The following ADAM22 variants were observed in gnomAD, a reference collection of about 807,000 sequenced individuals.
ADAM22 encodes the protein disintegrin and metalloproteinase domain-containing protein 22.
In ADAM22, 65 loss-of-function variants were observed where a neutral mutation model predicts 144.6. The ratio of observed to expected loss-of-function variants is 0.45; its 90% confidence interval spans 0.37 to 0.55. The LOEUF is 0.55. Among genes scored for constraint, ADAM22 ranks in the 20% least tolerant of loss-of-function variants. The pLI is 0.00. For synonymous variants in ADAM22, 391 were observed against 412.6 expected (o/e 0.95, Z 0.63); for missense variants, 974 against 1,184.9 (o/e 0.82, Z 2.61).
chr7:88,031,402 A>T (rs1800234387), intron 3 of ADAM22, among the ~76,000 whole-genome samples: 1 of 152,204 alleles, frequency 6.6e-6, no homozygotes, highest in Admixed American at 6.5e-5. Context: ...AGTGATATGG[A>T]CAATGAAGTT....
At chr7:88,089,455 A>C (rs1389159722) in intron 4 of ADAM22, among the ~76,000 whole-genome samples, 1 of 152,142 alleles carries the variant, frequency 6.6e-6, no homozygotes. Context: ...AGCAACAGCC[A>C]CTGTTACCAA....
In ADAM22 at chr7:88,171,564, A is replaced by G. The variant is rs1844324181; in HGVS notation, c.2300+3A>G. ...AAAAGAAACTATCGAGAACAGAGGT[A>G]TGTAATACAAATAATGTGAACATAA... On this transcript the variant is annotated splice_donor_region_variant and intron_variant, in intron 26 of 31. Coordinates refer to ENST00000413139, the MANE Select transcript of ADAM22 (RefSeq NM_001324418.2). The G allele has an allele frequency of 3.2e-6, 5 of 1,583,044 alleles. No individual in the cohort carries two copies. Among genetic ancestry groups the G allele is most frequent in the Non-Finnish European group, 4.3e-6 (5 of 1,168,958 alleles).
At chr7:88,033,460 G>A (rs891807350) in intron 3 of ADAM22, among the ~76,000 whole-genome samples, 1 of 152,230 alleles carries the variant, frequency 6.6e-6, no homozygotes, top group African/African-American at 2.4e-5. Flanking sequence ...TCACCCATGT[G>A]GCCACCATCA....
At position 88,114,635 on chromosome 7, in the gene ADAM22, TGA is replaced by T. The variant is rs1442788146; in HGVS notation, c.526_527del (p.Asp176HisfsTer18). The T allele has an allele frequency of 5.6e-6, 9 of 1,613,768 alleles. No individual in the cohort carries two copies. The highest frequency in any genetic ancestry group is 7.6e-6 in the Non-Finnish European group (9 of 1,179,856). On this transcript the variant is annotated frameshift_variant, in exon 6 of 32. Coordinates refer to ENST00000413139, the MANE Select transcript of ADAM22 (RefSeq NM_001324418.2). LOFTEE classifies it high-confidence loss of function. The stretch of plus-strand genomic sequence containing the variant: ...CATATCTCATTGAGCCAGAAGAAAA[TGA>T]CACTACTCAAGTAAGTGCTCCTTCT... ...HTYLIEPEEN[D>X]TTQEDFHFHS...
At chr7:88,121,802 G>A (rs1242151115) in intron 7 of ADAM22, among the ~76,000 whole-genome samples, 1 of 152,178 alleles carries the variant, frequency 6.6e-6, no homozygotes, top group Non-Finnish European at 1.5e-5. Context: ...CACTTTTGCT[G>A]TATAGTATTT....
chr7:88,017,811 A>ATG lies in ADAM22; in HGVS notation c.323+39411_323+39412dup, dbSNP rs530256641. On this transcript the variant is annotated intron_variant, in intron 3 of 31. Coordinates refer to ENST00000413139, the MANE Select transcript of ADAM22 (RefSeq NM_001324418.2). The stretch of plus-strand genomic sequence containing the variant: ...TATATATATATGTGTGTGTATATAT[A>ATG]TGTGTGTGTGTGTATAAATACATAC... 2.8e-3 allele frequency among the ~76,000 whole-genome samples: 418 copies of ATG among 151,856 alleles called. 4 individuals carry two copies. The highest frequency in any genetic ancestry group is 0.021 in the Middle Eastern group (6 of 292).
At chr7:88,092,986 T>C (rs1820347682) in intron 4 of ADAM22, among the ~76,000 whole-genome samples, 1 of 152,178 alleles carries the variant, frequency 6.6e-6, no homozygotes, top group Non-Finnish European at 1.5e-5. Flanking sequence ...TAAAGAGTTA[T>C]TTCATCTGTT....
intron 3 of ADAM22, among the ~76,000 whole-genome samples, chr7:87,989,544 T>C (rs1326757327): frequency 2.6e-5 from 4 of 152,334 alleles, no homozygotes; most frequent in Non-Finnish European, 1.5e-5. Context: ...CTATATAGCC[T>C]GGTTAGTAGA....
Position 88,131,395 on chromosome 7 carries a change from G to A in ADAM22, c.952G>A (p.Asp318Asn). 6.2e-7 allele frequency: 1 copy of A among 1,613,752 alleles called. No individual in the cohort carries two copies. The highest frequency in any genetic ancestry group is 8.5e-7 in the Non-Finnish European group (1 of 1,179,784). The change falls in exon 11 of 32, where the codon GAT becomes AAT. Residue 318 changes from aspartate to asparagine, a missense_variant. Physicochemically the swap from Asp to Asn is conservative, Grantham distance 23 (BLOSUM62 1). Around this residue, in one of 2 missense-constraint regions of ADAM22, gnomAD observed 734 missense variants for 950.6 expected, o/e 0.77. Transcript: ENST00000413139. ...TLREFMKYRR[D>N]FIKEKSDAVH... ...ACGTGAGTTTATGAAATACAGGAGG[G>A]ATTTTATCAAAGAGAAAAGTGATGC...
chr7:87,974,667 G>C (rs1227701933), intron 2 of ADAM22, among the ~76,000 whole-genome samples: 2 of 152,148 alleles, frequency 1.3e-5, no homozygotes, highest in African/African-American at 2.4e-5. Flanking sequence ...TTAGTTTCCT[G>C]GTGCTTCTAT....
intron 25 of ADAM22, among the ~76,000 whole-genome samples, chr7:88,169,945 A>T (rs1843890665): frequency 1.3e-5 from 2 of 152,050 alleles, no homozygotes; most frequent in African/African-American, 4.8e-5. Flanking sequence ...TTTCATTTTT[A>T]CAATCTTGGA....
intron 3 of ADAM22, among the ~76,000 whole-genome samples, chr7:87,985,641 T>A (rs1788300555): frequency 6.6e-6 from 1 of 152,226 alleles, no homozygotes; most frequent in Non-Finnish European, 1.5e-5. Context: ...ATGTGTCAGT[T>A]CATTCCTTTT....
intron 4 of ADAM22, among the ~76,000 whole-genome samples, chr7:88,099,202 C>G (rs1355507328): frequency 6.6e-6 from 1 of 152,172 alleles, no homozygotes; most frequent in Non-Finnish European, 1.5e-5. Flanking sequence ...CTCTGAAAGT[C>G]TGAAATTTTA....
intron 7 of ADAM22, 60 bp downstream of exon 7, chr7:88,116,874 C>A: frequency 8.1e-7 from 1 of 1,232,278 alleles, no homozygotes; most frequent in Non-Finnish European, 1.2e-6. Flanking sequence ...TTATTTAATG[C>A]CTTAGAACTA....
chr7:88,096,110 AC>A (rs776432352), intron 4 of ADAM22, among the ~76,000 whole-genome samples: 13 of 152,016 alleles, frequency 8.6e-5, no homozygotes, highest in Non-Finnish European at 1.9e-4. Context: ...TTTAGTAGAG[AC>A]CAGGTCTCAC....
At position 88,076,937 on chromosome 7, in the gene ADAM22, A is replaced by C. The variant is rs549051915; in HGVS notation, c.390+1245A>C. Among the ~76,000 whole-genome samples the C allele has an allele frequency of 5.9e-5, 9 of 152,360 alleles. No individual in the cohort carries two copies. In the East Asian group the frequency reaches 1.5e-3, roughly 26 times the overall value. Reference sequence around the variant, plus strand: ...TGCTCATTTTAGAAAACTTGTAAACAGAGAAAAGTTGAACAAAAAAGGAAA... The same window carrying C: ...TGCTCATTTTAGAAAACTTGTAAACCGAGAAAAGTTGAACAAAAAAGGAAA... On this transcript the variant is annotated intron_variant, in intron 4 of 31. Transcript: ENST00000413139.
At chr7:88,141,156 G>A (rs1202856580) in intron 14 of ADAM22, among the ~76,000 whole-genome samples, 1 of 152,234 alleles carries the variant, frequency 6.6e-6, no homozygotes, top group Non-Finnish European at 1.5e-5. Flanking sequence ...TGTTTGTCGG[G>A]AGCTGGTTCC....
At chr7:88,109,291 A>G (rs753681621) in intron 5 of ADAM22, among the ~76,000 whole-genome samples, 1 of 152,014 alleles carries the variant, frequency 6.6e-6, no homozygotes, top group Non-Finnish European at 1.5e-5. Context: ...CTATCAAATA[A>G]TGTTTGCTGA....
chr7:88,083,132 C>T (rs907100762), intron 4 of ADAM22, among the ~76,000 whole-genome samples: 123 of 152,242 alleles, frequency 8.1e-4, no homozygotes, highest in African/African-American at 2.7e-3. Context: ...ATGTGGCACA[C>T]ATACATCATG....
Sources: gnomAD v4.1 joint callset for allele counts (sites outside exome capture counted in the v4.1 genomes callset) on GRCh38, gnomAD v4.1.1 for gene constraint, gnomAD v4.1.1 regional missense constraint, MANE v1.5 for transcripts, NCBI Gene and HGNC (gene_info 2026-07-23, HGNC 2026-07-21) for gene names.